The following SNED1 variants were observed in gnomAD, a reference collection of about 807,000 sequenced individuals.
The protein encoded by SNED1 is sushi, nidogen and EGF like domains 1, also known as sushi, nidogen and EGF-like domain-containing protein 1.
In SNED1, 81 loss-of-function variants were observed where a neutral mutation model predicts 166.7. The ratio of observed to expected loss-of-function variants is 0.49; its 90% CI spans 0.41 to 0.58. The LOEUF (loss-of-function observed/expected upper bound fraction) is 0.58, where lower values mean the gene tolerates loss of function less well. SNED1 is among the 20% of genes least tolerant of loss of function. SNED1 has a pLI of 0.00. For missense variants in SNED1, 1,604 were observed against 2,000.2 expected, an observed-to-expected ratio of 0.80 and a Z score of 3.78; for synonymous variants, 762 against 822.0, an observed-to-expected ratio of 0.93 and a Z score of 1.25.
At chr2:241,086,452 T>C (rs2063579351) in intron 29 of SNED1, among the ~76,000 whole-genome samples, 1 of 152,202 alleles carries the variant, frequency 6.6e-6, no homozygotes. Flanking sequence ...TTGGATCCCC[T>C]TTCTCTGTGA....
At chr2:240,998,145 G>A (rs1051293818), upstream of SNED1, among the ~76,000 whole-genome samples, 1 of 152,252 alleles carries the variant, frequency 6.6e-6, no homozygotes, top group African/African-American at 2.4e-5. Context: ...CCTAGTCTCC[G>A]GCCCGGGCTC....
intron 27 of SNED1, among the ~76,000 whole-genome samples, chr2:241,078,475 C>T (rs904442552): frequency 4.0e-5 from 6 of 151,538 alleles, no homozygotes; most frequent in African/African-American, 1.5e-4. Flanking sequence ...AAAACAAGGA[C>T]GCATGCTGCA....
chr2:241,063,612 G>A lies in SNED1; in HGVS notation c.2397G>A (p.Pro799=), dbSNP rs377288783. 195 of 1,611,072 alleles carry A rather than the reference G, an allele frequency of 1.2e-4. 1 individual carries two copies. In the East Asian group the frequency reaches 2.1e-3, roughly 18 times the overall value. ...ELERDECRAH[P]CRNGGSCRNL... ...AGAGGGATGAGTGCCGAGCTCACCCGTGCAGAAATGGAGGGTCCTGCAGGA... is the reference window on the plus strand; with the variant it reads ...AGAGGGATGAGTGCCGAGCTCACCCATGCAGAAATGGAGGGTCCTGCAGGA... The change falls in exon 18 of 32, where the codon CCG becomes CCA. Residue 799 remains proline, a synonymous_variant. Transcript: ENST00000310397.
rs1426125859 is a variant in SNED1, at chr2:241,018,051, C to G, written c.214-12233C>G. 2.0e-5 allele frequency among the ~76,000 whole-genome samples: 3 copies of G among 152,200 alleles called. No homozygotes were observed. The highest frequency in any genetic ancestry group is 6.5e-5 in the Admixed American group (1 of 15,278). On this transcript the variant is annotated intron_variant, in intron 1 of 31. Transcript: ENST00000310397. This position sits in a 1 kb window ranked among gnomAD's most constrained non-coding sequence, Gnocchi z 5.4. ...ACCAAGGTGGTGGGTACCTTGATCC[C>G]TTTCCCGACTGGAGAGGCATTCCAA...
At chr2:241,084,615 G>T (rs545367193) in intron 29 of SNED1, among the ~76,000 whole-genome samples, 21 of 152,232 alleles carry the variant, frequency 1.4e-4, no homozygotes, top group Admixed American at 1.4e-3. Flanking sequence ...CATATGCTGT[G>T]AACTGCACTA....
In SNED1 at chr2:241,051,975, C is replaced by T. The variant is rs1391688985; in HGVS notation, c.1853-66C>T. On this transcript the variant is annotated intron_variant, in intron 13 of 31. Coordinates refer to ENST00000310397, the MANE Select transcript of SNED1 (RefSeq NM_001080437.3). The surrounding 1 kb of genome is among the most constrained non-coding windows in gnomAD (Gnocchi z 4.7). Reference sequence around the variant, plus strand: ...TCTGCTTCTCATGAAGAGGCCCCAGCTCTGGGATGTTGGGGAACGTGGGAG... The same window carrying T: ...TCTGCTTCTCATGAAGAGGCCCCAGTTCTGGGATGTTGGGGAACGTGGGAG... The T allele has an allele frequency of 6.5e-7, 1 of 1,530,036 alleles. No individual in the cohort carries two copies. The highest frequency in any genetic ancestry group is 9.0e-7 in the Non-Finnish European group (1 of 1,114,740). 94.8% of individuals were successfully genotyped at this position (1,530,036 alleles called of 1,614,324 possible). A position where few individuals can be genotyped will look rare whatever the true frequency, so the allele number is the denominator to read the frequency against.
chr2:241,040,703 G>A (rs2061499721), intron 8 of SNED1, among the ~76,000 whole-genome samples: 1 of 152,200 alleles, frequency 6.6e-6, no homozygotes, highest in Non-Finnish European at 1.5e-5. Flanking sequence ...TTCCATCTGT[G>A]AAATGCCAGG....
chr2:241,053,646 T>C (rs1358359578), intron 16 of SNED1, among the ~76,000 whole-genome samples: 1 of 152,212 alleles, frequency 6.6e-6, no homozygotes, highest in Non-Finnish European at 1.5e-5. Context: ...GGCAGAGTCC[T>C]AAAGAGCCAG....
In SNED1 at chr2:241,071,700, G is replaced by GC; in HGVS notation, c.3714_3715insC (p.Thr1239HisfsTer60). On this transcript the variant is annotated frameshift_variant, in exon 25 of 32. Coordinates refer to ENST00000310397, the MANE Select transcript of SNED1 (RefSeq NM_001080437.3). LOFTEE classifies it high-confidence loss of function. ...TGCTCAATGACCACAGCGCCCCCGAGACCCCCACCCAGCCCCCCAGGTACA... is the reference window on the plus strand; with the variant it reads ...TGCTCAATGACCACAGCGCCCCCGAGCACCCCCACCCAGCCCCCCAGGTACA... The GC allele has an allele frequency of 1.3e-6, 2 of 1,502,386 alleles. No individual in the cohort carries two copies. Among genetic ancestry groups the GC allele is most frequent in the Non-Finnish European group, 1.8e-6 (2 of 1,116,626 alleles). 93.1% of individuals were successfully genotyped at this position (1,502,386 alleles called of 1,614,324 possible).
Position 241,068,475 on chromosome 2 carries a change from G to A in SNED1, c.3195-436G>A, listed in dbSNP as rs980429346. On this transcript the variant is annotated intron_variant, in intron 22 of 31. Transcript: ENST00000310397. The surrounding 1 kb of genome is among the most constrained non-coding windows in gnomAD (Gnocchi z 5.3). ...GCAGGCAGGGGTGCAGGAAAAGATC[G>A]GAGAGCGAGTGGGAAGGAAGACTCC... Among the ~76,000 whole-genome samples, 5 of 152,142 alleles carry A rather than the reference G, an allele frequency of 3.3e-5. No homozygotes were observed. The highest frequency in any genetic ancestry group is 6.5e-5 in the Admixed American group (1 of 15,278).
At chr2:241,054,643 C>G (rs2061988421) in intron 16 of SNED1, among the ~76,000 whole-genome samples, 1 of 152,138 alleles carries the variant, frequency 6.6e-6, no homozygotes, top group South Asian at 2.1e-4. Context: ...CATTGGCCAT[C>G]CAAAACAGGA....
chr2:241,027,084 CT>C (rs34995414), intron 1 of SNED1, among the ~76,000 whole-genome samples: 98 of 147,796 alleles, frequency 6.6e-4, no homozygotes, highest in East Asian at 9.8e-4. Context: ...GATTTCCCTA[CT>C]TTTTTTTTTT....
At position 241,064,909 on chromosome 2, in the gene SNED1, C is replaced by A; in HGVS notation, c.2665C>A (p.His889Asn). ...CTATTGCCTGGCCAGCAACGGCTCC[C>A]ACAGCTGCACCTGCAAAGTGGGCTA... is the stretch of plus-strand genomic sequence containing the variant. The part of the protein sequence containing the change: ...RGYCLASNGS[H>N]SCTCKVGYTG... Residue 889 changes from histidine to asparagine, a missense_variant, in exon 20 of 32, where the codon CAC (histidine) becomes AAC (asparagine). Physicochemically the swap from His to Asn is moderately conservative, Grantham distance 68. Coordinates refer to ENST00000310397, the MANE Select transcript of SNED1 (RefSeq NM_001080437.3). The surrounding 1 kb of genome is among the most constrained non-coding windows in gnomAD (Gnocchi z 7.0). 6.3e-7 allele frequency: 1 copy of A among 1,584,610 alleles called. No individual in the cohort carries two copies. The highest frequency in any genetic ancestry group is 2.3e-5 in the East Asian group (1 of 43,706).
chr2:241,039,935 C>T lies in SNED1; in HGVS notation c.1046-140C>T, dbSNP rs564004845. ...CCAGGCCTCTTTCTTGCCTGTCGCC[C>T]GCTCAGAAACCTGCCTGCCAGGCCC... On this transcript the variant is annotated intron_variant, in intron 6 of 31. Transcript: ENST00000310397. 191 of 668,418 alleles carry T rather than the reference C, an allele frequency of 2.9e-4. No individual in the cohort carries two copies. The African/African-American group carries it at 3.2e-3, about 11-fold the overall frequency. 41.4% of individuals were successfully genotyped at this position (668,418 alleles called of 1,614,324 possible).
At chr2:241,019,776 C>T (rs565236393) in intron 1 of SNED1, among the ~76,000 whole-genome samples, 1 of 152,328 alleles carries the variant, frequency 6.6e-6, no homozygotes, top group South Asian at 2.1e-4. Context: ...GCAACACCAG[C>T]GGGCCCCAAA....
rs1347420154 is a variant in SNED1 at position 241,064,783 on chromosome 2, G to A, written c.2600-61G>A. The stretch of plus-strand genomic sequence containing the variant: ...ACCCAGTGCCCCAGGAGCAAGGGCG[G>A]GGCTGGAGCAGGGACCCCTGGCCAC... On this transcript the variant is annotated intron_variant, in intron 19 of 31. Coordinates refer to ENST00000310397, the MANE Select transcript of SNED1 (RefSeq NM_001080437.3). The surrounding 1 kb of genome is among the most constrained non-coding windows in gnomAD (Gnocchi z 7.0). 12 of 1,249,480 alleles carry A rather than the reference G, an allele frequency of 9.6e-6. No individual in the cohort carries two copies. The highest frequency in any genetic ancestry group is 8.5e-5 in the East Asian group (3 of 35,502). The allele number at this position is 1,249,480 out of a possible 1,614,324, so 77.4% of individuals were successfully genotyped here.
chr2:241,073,210 G>C lies in SNED1; in HGVS notation c.3818-56G>C. 7.4e-7 allele frequency: 1 copy of C among 1,348,682 alleles called. No homozygotes were observed. Among genetic ancestry groups the C allele is most frequent in the Non-Finnish European group, 1.0e-6 (1 of 966,660 alleles). 83.5% of individuals were successfully genotyped at this position (1,348,682 alleles called of 1,614,324 possible). A position where few individuals can be genotyped will look rare whatever the true frequency, so the allele number is the denominator to read the frequency against. ...GAAGCACTCAAAAGGGTGGCCCCAGGACCATCCCGGGTGCAAAGCAGCTGC... is the reference window on the plus strand; with the variant it reads ...GAAGCACTCAAAAGGGTGGCCCCAGCACCATCCCGGGTGCAAAGCAGCTGC... On this transcript the variant is annotated intron_variant, in intron 26 of 31. Transcript: ENST00000310397. This position sits in a 1 kb window ranked among gnomAD's most constrained non-coding sequence, Gnocchi z 6.6.
Position 241,030,301 on chromosome 2 carries a change from C to A in SNED1, c.231C>A (p.Ile77=). ...CCTCCCAGGTGAACAACAACGGGAT[C>A]ATCTCCTTCCTGAAGGAGGTTTCTC... The part of the protein sequence containing the change: ...HSGLYVNNNG[I]ISFLKEVSQF... Residue 77 remains isoleucine (I), a synonymous_variant, in exon 2 of 32, where the codon ATC becomes ATA. Coordinates refer to ENST00000310397, the MANE Select transcript of SNED1 (RefSeq NM_001080437.3). 6.3e-7 allele frequency: 1 copy of A among 1,593,682 alleles called. No homozygotes were observed. Among genetic ancestry groups the A allele is most frequent in the Non-Finnish European group, 8.6e-7 (1 of 1,168,128 alleles).
chr2:241,036,765 C>A, intron 4 of SNED1, 25 bp from the exon 5 acceptor site: 1 of 1,603,976 alleles, frequency 6.2e-7, no homozygotes, highest in Non-Finnish European at 8.5e-7. Context: ...GCGGCTGAGG[C>A]TCCAGCCCCT....
Sources: gnomAD v4.1 joint callset for allele counts (sites outside exome capture counted in the v4.1 genomes callset) on GRCh38, gnomAD v4.1.1 for gene constraint, Gnocchi (gnomAD v3.1) non-coding constraint, MANE v1.5 for transcripts, NCBI Gene and HGNC (gene_info 2026-07-23, HGNC 2026-07-21) for gene names.